The following PROCR variants were observed in gnomAD, a reference collection of about 807,000 sequenced individuals.
The protein encoded by PROCR is protein C receptor, also known as endothelial protein C receptor.
PROCR carries 22 observed loss-of-function variants against 24.2 expected under a neutral mutation model. The observed-to-expected ratio is 0.91, with a 90% CI of 0.65 to 1.30. The LOEUF (loss-of-function observed/expected upper bound fraction) is 1.30. PROCR is among the 50% of genes most tolerant of loss of function. The pLI is 0.00. For missense variants in PROCR, 288 were observed against 307.7 expected, an observed-to-expected ratio of 0.94 and a Z score of 0.48; for synonymous variants, 137 against 139.2, an observed-to-expected ratio of 0.98 and a Z score of 0.11.
intron 1 of PROCR, among the ~76,000 whole-genome samples, chr20:35,203,837 A>G (rs1313586016): frequency 1.3e-5 from 2 of 152,052 alleles, no homozygotes; most frequent in Non-Finnish European, 2.9e-5. Flanking sequence ...GATAGAAAAA[A>G]GAAAGGCCTC....
chr20:35,171,521 T>A (rs2085950407), upstream of PROCR, among the ~76,000 whole-genome samples: 1 of 152,218 alleles, frequency 6.6e-6, no homozygotes, highest in Admixed American at 6.5e-5. Flanking sequence ...TCCTATTTTT[T>A]AAAAACATGC....
intron 1 of PROCR, among the ~76,000 whole-genome samples, chr20:35,212,723 A>G (rs972212861): frequency 6.6e-6 from 1 of 152,228 alleles, no homozygotes; most frequent in Non-Finnish European, 1.5e-5. Flanking sequence ...TTTGCTACAA[A>G]TAATTTTGTG....
exon 2 of PROCR, chr20:35,215,976 T>A (rs1600760500): frequency 9.1e-6 from 6 of 661,682 alleles, no homozygotes; most frequent in Non-Finnish European, 1.1e-5. Context: ...GGCAGGAGGA[T>A]CACTTGAGGT....
At chr20:35,184,572 C>T (rs968184229) in intron 1 of PROCR, among the ~76,000 whole-genome samples, 4 of 152,072 alleles carry the variant, frequency 2.6e-5, no homozygotes, top group East Asian at 1.9e-4. Flanking sequence ...TGGTGGCGGG[C>T]GCCTGTAGTC....
chr20:35,174,360 A>G, intron 1 of PROCR: 1 of 378,416 alleles, frequency 2.6e-6, no homozygotes, highest in Non-Finnish European at 5.1e-6. Context: ...CAGGCGATGG[A>G]ATTGGAATTT....
chr20:35,201,339 C>G (rs8114671), intron 1 of PROCR, among the ~76,000 whole-genome samples: 1 of 151,938 alleles, frequency 6.6e-6, no homozygotes, highest in Non-Finnish European at 1.5e-5. Context: ...TTATCAATAA[C>G]TACATTAAAT....
At chr20:35,205,400 T>TAAA (rs1555791693) in intron 1 of PROCR, among the ~76,000 whole-genome samples, 18 of 128,940 alleles carry the variant, frequency 1.4e-4, no homozygotes, top group South Asian at 4.8e-4. Context: ...CCATTCATGA[T>TAAA]AAAAAAAAAA....
rs989435204 is a variant in PROCR, at chr20:35,209,026, CAG to C, written c.95-6866_95-6865del. Among the ~76,000 whole-genome samples, 13 of 152,190 alleles carry C rather than the reference CAG, an allele frequency of 8.5e-5. No homozygotes were observed. In the East Asian group the frequency reaches 1.5e-3, roughly 18 times the overall value. Reference sequence around the variant, plus strand: ...GAGCCTACTATATGCCAGAAATAAGCAGGTATTGTCCTTGTGTTCATGGAGCT... The same window carrying C: ...GAGCCTACTATATGCCAGAAATAAGCGTATTGTCCTTGTGTTCATGGAGCT... On this transcript the variant is annotated intron_variant, in intron 1 of 1. Transcript: ENST00000634509.
At chr20:35,174,512 A>G (rs1568590105) in intron 1 of PROCR, 190 bp from the exon 2 acceptor site, 1 of 712,670 alleles carries the variant, frequency 1.4e-6, no homozygotes, top group Admixed American at 2.2e-5. Flanking sequence ...AAACGGAGAT[A>G]ATAATCCCTG....
downstream of PROCR, among the ~76,000 whole-genome samples, chr20:35,177,729 C>G (rs2086035273): frequency 6.6e-6 from 1 of 151,970 alleles, no homozygotes; most frequent in African/African-American, 2.4e-5. Context: ...TGCGCCTGGT[C>G]TTCTCACTCA....
chr20:35,214,910 T>TC (rs1322652481), intron 1 of PROCR, among the ~76,000 whole-genome samples: 5 of 140,586 alleles, frequency 3.6e-5, no homozygotes, highest in Admixed American at 6.9e-5. Flanking sequence ...TCTTTTTCTT[T>TC]TTTTTTTTTT....
chr20:35,177,762 A>T (rs1374906705), downstream of PROCR, among the ~76,000 whole-genome samples: 1 of 151,948 alleles, frequency 6.6e-6, no homozygotes, highest in Non-Finnish European at 1.5e-5. Context: ...GTGCAATCTG[A>T]CTTCTCTATA....
chr20:35,214,656 T>G (rs1204512552), intron 1 of PROCR, among the ~76,000 whole-genome samples: 1 of 139,458 alleles, frequency 7.2e-6, no homozygotes, highest in Non-Finnish European at 1.5e-5. Context: ...GCCACTGCAC[T>G]CCAGCCTGGG....
intron 1 of PROCR, among the ~76,000 whole-genome samples, chr20:35,192,603 A>T (rs1485211297): frequency 6.6e-6 from 1 of 152,016 alleles, no homozygotes. Flanking sequence ...TGTGCTTATT[A>T]GGGCCTACTG....
intron 1 of PROCR, among the ~76,000 whole-genome samples, chr20:35,215,260 C>T (rs959249957): frequency 2.0e-5 from 3 of 152,216 alleles, no homozygotes; most frequent in African/African-American, 4.8e-5. Context: ...TCTTCCATTG[C>T]TTGTAACTTT....
At chr20:35,201,657 C>G (rs2060318762) in intron 1 of PROCR, 1 of 150,984 alleles carries the variant, frequency 6.6e-6, no homozygotes, top group Non-Finnish European at 1.5e-5. Context: ...CATTGCATTC[C>G]AGCCTGGGCG....
chr20:35,214,849 G>T (rs2060375675), intron 1 of PROCR, among the ~76,000 whole-genome samples: 1 of 151,558 alleles, frequency 6.6e-6, no homozygotes, highest in Non-Finnish European at 1.5e-5. Context: ...ACCTTCTCTA[G>T]ATCCTGAACA....
At chr20:35,210,680 G>T (rs1328384652) in intron 1 of PROCR, among the ~76,000 whole-genome samples, 1 of 151,518 alleles carries the variant, frequency 6.6e-6, no homozygotes, top group Non-Finnish European at 1.5e-5. Flanking sequence ...TTCAGGGTGG[G>T]TCAGATATAT....
At position 35,176,275 on chromosome 20, in the gene PROCR, C is replaced by T. The variant is rs1277077407; in HGVS notation, c.430C>T (p.Arg144Trp). The T allele has an allele frequency of 9.3e-6, 15 of 1,614,070 alleles. No homozygotes were observed. The highest frequency in any genetic ancestry group is 1.3e-5 in the African/African-American group (1 of 74,916). The change falls in exon 3 of 4, where the codon CGG (arginine) becomes TGG (tryptophan). Residue 144 changes from arginine to tryptophan, a missense_variant. Transcript: ENST00000216968. ...AVNGSSFVSF[R>W]PERALWQADT... ...GAATGGGAGCTCCTTTGTGAGTTTC[C>T]GGCCGGAGAGAGCCTTGTGGCAGGC...
Sources: allele counts gnomAD v4.1 joint callset (sites outside exome capture counted in the v4.1 genomes callset), GRCh38; gene constraint gnomAD v4.1.1; transcripts MANE v1.5; gene names NCBI Gene and HGNC (gene_info 2026-07-23, HGNC 2026-07-21).